The following ZNF333 variants were observed in gnomAD, a reference collection of about 807,000 sequenced individuals.
ZNF333 encodes zinc finger protein 333.
ZNF333 carries 61 observed loss-of-function variants against 76.1 expected under a neutral mutation model. That is an observed-to-expected ratio of 0.80 (90% CI 0.65 to 0.99). The LOEUF (loss-of-function observed/expected upper bound fraction) is 0.99. ZNF333 is among the 50% of genes least tolerant of loss of function. ZNF333 has a pLI of 0.00. For synonymous variants in ZNF333, 284 were observed against 305.0 expected (o/e 0.93, Z 0.72); for missense variants, 717 against 822.4 (o/e 0.87, Z 1.57).
Position 14,706,677 on chromosome 19 carries a change from TC to T in ZNF333, c.424-8del. 1.2e-6 allele frequency: 2 copies of T among 1,612,942 alleles called. No homozygotes were observed. Among genetic ancestry groups the T allele is most frequent in the Non-Finnish European group, 1.7e-6 (2 of 1,179,030 alleles). On this transcript the variant is annotated splice_polypyrimidine_tract_variant and splice_region_variant and intron_variant, in intron 6 of 11. Transcript: ENST00000292530. ...GACTCTAATCTGTGACCCCTGTCAC[TC>T]TGTCCAGGGACTGAAGGCCGCTATG...
chr19:14,704,074 C>T (rs1277956312), intron 5 of ZNF333, among the ~76,000 whole-genome samples: 1 of 152,166 alleles, frequency 6.6e-6, no homozygotes, highest in African/African-American at 2.4e-5. Context: ...CAGGTGGCCA[C>T]CCTCCTGCTG....
chr19:14,691,319 G>T (rs1972760226), intron 1 of ZNF333, among the ~76,000 whole-genome samples: 2 of 152,254 alleles, frequency 1.3e-5, no homozygotes, highest in South Asian at 4.1e-4. Context: ...CCCCAAGCAT[G>T]TGAATCACAG....
chr19:14,706,192 C>A, intron 6 of ZNF333: 1 of 457,310 alleles, frequency 2.2e-6, no homozygotes, highest in Non-Finnish European at 4.4e-6. Flanking sequence ...CCACCCTGGA[C>A]ACAGAGGCCA....
intron 4 of ZNF333, among the ~76,000 whole-genome samples, chr19:14,698,820 A>G (rs1973426067): frequency 6.7e-6 from 1 of 150,342 alleles, no homozygotes; most frequent in Admixed American, 6.6e-5. Context: ...AGCCTGGGCG[A>G]AAGAGCAAGA....
intron 1 of ZNF333, 32 bp downstream of exon 1, chr19:14,690,182 G>GGCGGGGAGGGCGGGGAGGGCTCGGCTGGC (rs1972645786): frequency 1.3e-5 from 2 of 152,454 alleles, no homozygotes; most frequent in East Asian, 1.9e-4. Flanking sequence ...GGGCGGGGAG[G>GGCGGGGAGGGCGGGGAGGGCTCGGCTGGC]GCGGGGAGGG....
intron 7 of ZNF333, among the ~76,000 whole-genome samples, chr19:14,711,271 C>T (rs981898588): frequency 1.1e-4 from 17 of 152,144 alleles, no homozygotes; most frequent in African/African-American, 3.1e-4. Context: ...GTTAGGGGGG[C>T]GGGAACCTTC....
intron 2 of ZNF333, among the ~76,000 whole-genome samples, chr19:14,694,768 C>A (rs780201123): frequency 2.6e-5 from 4 of 152,162 alleles, no homozygotes; most frequent in Admixed American, 2.6e-4. Flanking sequence ...AGCTTGGTGG[C>A]CCATGTGATC....
chr19:14,729,243 C>G (rs1012874718), intron 11 of ZNF333, among the ~76,000 whole-genome samples: 1 of 152,110 alleles, frequency 6.6e-6, no homozygotes, highest in Non-Finnish European at 1.5e-5. Flanking sequence ...CCTTATTGGC[C>G]AGATAATTCT....
At chr19:14,704,524 G>A (rs2042054187) in intron 5 of ZNF333, among the ~76,000 whole-genome samples, 2 of 152,128 alleles carry the variant, frequency 1.3e-5, no homozygotes, top group Non-Finnish European at 2.9e-5. Flanking sequence ...CCCGAGACTG[G>A]GCAATTTACA....
In ZNF333 at chr19:14,715,483, T is replaced by C; in HGVS notation, c.600+13T>C. 1 of 1,611,996 alleles carries C rather than the reference T, an allele frequency of 6.2e-7. No homozygotes were observed. The highest frequency in any genetic ancestry group is 1.1e-5 in the South Asian group (1 of 90,974). On this transcript the variant is annotated intron_variant, in intron 8 of 11. Transcript: ENST00000292530. ...CGCCTGTTCACAGGTAGGTAAGAAC[T>C]TCTTGTTCTAAAAGAACACTGCTGT...
chr19:14,703,438 T>TA (rs2042021336), intron 5 of ZNF333, among the ~76,000 whole-genome samples: 1 of 152,146 alleles, frequency 6.6e-6, no homozygotes, highest in African/African-American at 2.4e-5. Flanking sequence ...TAAAAACAGT[T>TA]TCTTTAAGTT....
chr19:14,727,287 C>T (rs2042639613), intron 11 of ZNF333, among the ~76,000 whole-genome samples: 1 of 152,134 alleles, frequency 6.6e-6, no homozygotes, highest in African/African-American at 2.4e-5. Context: ...CTTGGCCTCC[C>T]AAAATGCTGG....
intron 4 of ZNF333, among the ~76,000 whole-genome samples, chr19:14,698,932 A>G (rs1369125210): frequency 2.8e-5 from 4 of 143,474 alleles, no homozygotes; most frequent in South Asian, 4.3e-4. Context: ...ATATATATAT[A>G]TATACACACA....
rs979734917 is a variant in ZNF333, at chr19:14,695,583, C to G, written c.145C>G (p.Pro49Ala). 1 of 1,614,184 alleles carries G rather than the reference C, an allele frequency of 6.2e-7. No homozygotes were observed. The part of the protein sequence containing the change: ...LASRGTPPCK[P>A]SCVSQLGQRA... ...ATGTGCAGGAACTCCACCATGCAAA[C>G]CCAGTTGTGTCTCCCAGCTGGGGCA... Residue 49 changes from proline (P) to alanine (A), a missense_variant, in exon 4 of 12, where the codon CCC becomes GCC. Coordinates refer to ENST00000292530, the MANE Select transcript of ZNF333 (RefSeq NM_032433.4).
In ZNF333 at chr19:14,718,660, A is replaced by G; in HGVS notation, c.1333A>G (p.Thr445Ala). ...FNLILHQRNH[T>A]GEKPYECKDC... ...CCTGATTTTGCACCAGAGAAACCAC[A>G]CAGGAGAGAAGCCCTACGAGTGTAA... The change falls in exon 12 of 12, where the codon ACA becomes GCA. Residue 445 changes from threonine to alanine, a missense_variant. Transcript: ENST00000292530. The G allele has an allele frequency of 6.2e-7, 1 of 1,614,000 alleles. No homozygotes were observed. Among genetic ancestry groups the G allele is most frequent in the Non-Finnish European group, 8.5e-7 (1 of 1,180,040 alleles).
Position 14,720,562 on chromosome 19 carries a change from A to C in ZNF333, c.*1237A>C. On this transcript the variant is annotated 3_prime_UTR_variant, in exon 12 of 12. Transcript: ENST00000292530. ...TGGACTATTTATTTCTGGATGTCCC[A>C]TACATGAAAAATATGCACTTCTTAC... 7 of 985,478 alleles carry C rather than the reference A, an allele frequency of 7.1e-6. No individual in the cohort carries two copies. Among genetic ancestry groups the C allele is most frequent in the Non-Finnish European group, 7.2e-6 (6 of 829,940 alleles). The allele number at this position is 985,478 out of a possible 1,614,324, so 61.0% of individuals were successfully genotyped here.
rs1402934088 is a variant in ZNF333 at position 14,719,179 on chromosome 19, T to C, written c.1852T>C (p.Tyr618His). 1.9e-6 allele frequency: 3 copies of C among 1,614,080 alleles called. No homozygotes were observed. Among genetic ancestry groups the C allele is most frequent in the Non-Finnish European group, 2.5e-6 (3 of 1,180,044 alleles). Residue 618 changes from tyrosine (Y) to histidine (H), a missense_variant, in exon 12 of 12, where the codon TAT (tyrosine) becomes CAT (histidine). Tyr to His is a moderately conservative substitution (Grantham distance 83). Transcript: ENST00000292530. ...GAGAACACACAGTGCCGGGAGACCCTATCAATGTAATCAGTGTGAGAAAGC... is the reference window on the plus strand; with the variant it reads ...GAGAACACACAGTGCCGGGAGACCCCATCAATGTAATCAGTGTGAGAAAGC... Reference protein sequence around the residue: ...HVRTHSAGRPYQCNQCEKAFR... With the variant: ...HVRTHSAGRPHQCNQCEKAFR...
Position 14,718,712 on chromosome 19 carries a change from C to T in ZNF333, c.1385C>T (p.Pro462Leu). The change falls in exon 12 of 12, where the codon CCA (proline) becomes CTA (leucine). Residue 462 changes from proline (P) to leucine (L), a missense_variant. Transcript: ENST00000292530. ...GATTGTGGGAAAGCCTTCAATCAGC[C>T]ATCATCCCTCAGGAGCCACGTGAGA... is the stretch of plus-strand genomic sequence containing the variant. ...CKDCGKAFNQ[P>L]SSLRSHVRTH... is the part of the protein sequence containing the mutation. 6.2e-7 allele frequency: 1 copy of T among 1,613,932 alleles called. No homozygotes were observed. The highest frequency in any genetic ancestry group is 2.2e-5 in the East Asian group (1 of 44,882).
At position 14,731,095 on chromosome 19, in the gene ZNF333, C is replaced by A. The variant is rs892543484; in HGVS notation, c.901-80C>A. The A allele has an allele frequency of 3.9e-6, 5 of 1,282,342 alleles. No individual in the cohort carries two copies. The East Asian group carries it at 1.0e-4, about 26-fold the overall frequency. 79.4% of individuals were successfully genotyped at this position (1,282,342 alleles called of 1,614,324 possible). ...TCAAGCACCGCCCCTCCTGCCCCCTCCCCCCAAGGATTGGCCCCTTTATTC... is the reference window on the plus strand; with the variant it reads ...TCAAGCACCGCCCCTCCTGCCCCCTACCCCCAAGGATTGGCCCCTTTATTC... On this transcript the variant is annotated intron_variant, in intron 11 of 11. Transcript: ENST00000540689.
Sources: allele counts gnomAD v4.1 joint callset (sites outside exome capture counted in the v4.1 genomes callset), GRCh38; gene constraint gnomAD v4.1.1; transcripts MANE v1.5; gene names NCBI Gene and HGNC (gene_info 2026-07-23, HGNC 2026-07-21).